Variants in SF3A1 observed in about 807,000 individuals in gnomAD.
SF3A1 encodes the protein splicing factor 3a subunit 1.
A neutral mutation model predicts 89.9 loss-of-function variants in SF3A1; 13 were observed. That is an observed-to-expected ratio of 0.14 (90% CI 0.09 to 0.23). The LOEUF is 0.23. Ranked by LOEUF, SF3A1 falls within the 10% of genes least tolerant of loss-of-function variation. The pLI, the probability that SF3A1 is intolerant of heterozygous loss-of-function variation, is 1.00. For synonymous variants in SF3A1, 405 were observed against 374.4 expected (o/e 1.08, Z -0.94); for missense variants, 604 against 1,022.1 (o/e 0.59, Z 5.58).
chr22:30,345,408 CTGAG>C (rs1367146407), intron 3 of SF3A1, among the ~76,000 whole-genome samples: 3 of 152,196 alleles, frequency 2.0e-5, no homozygotes, highest in Non-Finnish European at 4.4e-5. Flanking sequence ...TCCTGAATGG[CTGAG>C]TGAGAACCAT....
chr22:30,344,030 GC>G (rs1931344591), intron 4 of SF3A1, among the ~76,000 whole-genome samples: 1 of 152,154 alleles, frequency 6.6e-6, no homozygotes, highest in African/African-American at 2.4e-5. Flanking sequence ...TGTGCCACAG[GC>G]AAAGCTGTCA....
chr22:30,347,388 C>T (rs1365775967), intron 2 of SF3A1, among the ~76,000 whole-genome samples: 1 of 152,114 alleles, frequency 6.6e-6, no homozygotes, highest in Non-Finnish European at 1.5e-5. Context: ...CTGGTGAGGC[C>T]CACACAGGAA....
intron 4 of SF3A1, among the ~76,000 whole-genome samples, chr22:30,343,873 C>T (rs1226640564): frequency 2.0e-5 from 3 of 152,162 alleles, no homozygotes; most frequent in African/African-American, 7.2e-5. Flanking sequence ...TAATTATGTA[C>T]TTAAAAGTGA....
rs1930962214 is a variant in SF3A1, at chr22:30,333,046, G to A, written c.*1548C>T. 1 of 152,178 alleles carries A rather than the reference G, an allele frequency of 6.6e-6. No homozygotes were observed. The highest frequency in any genetic ancestry group is 2.4e-5 in the African/African-American group (1 of 41,442). The allele number at this position is 152,178 out of a possible 1,614,324, so 9.4% of individuals were successfully genotyped here. A position where few individuals can be genotyped will look rare whatever the true frequency, so the allele number is the denominator to read the frequency against. On this transcript the variant is annotated 3_prime_UTR_variant, in exon 16 of 16. Coordinates refer to ENST00000215793, the MANE Select transcript of SF3A1 (RefSeq NM_005877.6). ...GGCCATGGACAAGCAACCAGTAGTGGGCTCACTTTAGGGACGCAAACCACA... is the reference window on the plus strand; with the variant it reads ...GGCCATGGACAAGCAACCAGTAGTGAGCTCACTTTAGGGACGCAAACCACA...
rs1033641137 is a variant in SF3A1, at chr22:30,340,768, T to C, written c.1116A>G (p.Pro372=). The change falls in exon 8 of 16, where the codon CCA becomes CCG. Residue 372 remains proline (P), a synonymous_variant. Transcript: ENST00000215793. ...EEEGQKVPPP[P]ETPMPPPLPP... The stretch of plus-strand genomic sequence containing the variant: ...GCAGAGGTGGAGGCATGGGTGTCTC[T>C]GGGGGTGGGGGCACTTTCTGCCCTT... 1.9e-6 allele frequency: 3 copies of C among 1,589,390 alleles called. No homozygotes were observed. In the Admixed American group the frequency reaches 5.5e-5, roughly 29 times the overall value.
chr22:30,356,172 C>T (rs1230898685), intron 1 of SF3A1, among the ~76,000 whole-genome samples: 1 of 152,200 alleles, frequency 6.6e-6, no homozygotes, highest in Non-Finnish European at 1.5e-5. Context: ...GGTGAGCATT[C>T]TCATATGTCT....
intron 4 of SF3A1, among the ~76,000 whole-genome samples, chr22:30,343,485 C>G (rs1017111848): frequency 6.6e-6 from 1 of 152,208 alleles, no homozygotes; most frequent in Non-Finnish European, 1.5e-5. Context: ...TGCCTTTGTT[C>G]TAAACAGCCC....
chr22:30,353,556 A>G (rs578049602), intron 1 of SF3A1, among the ~76,000 whole-genome samples: 1 of 152,362 alleles, frequency 6.6e-6, no homozygotes, highest in East Asian at 1.9e-4. Flanking sequence ...TGTTATCTGT[A>G]AATTCCAGAC....
At chr22:30,356,408 C>G (rs961235471) in intron 1 of SF3A1, among the ~76,000 whole-genome samples, 6 of 152,264 alleles carry the variant, frequency 3.9e-5, no homozygotes, top group African/African-American at 1.4e-4. Flanking sequence ...GCTGGATCAG[C>G]GCCTCTCGCA....
chr22:30,347,393 C>G (rs1163692862), intron 2 of SF3A1, among the ~76,000 whole-genome samples: 1 of 152,182 alleles, frequency 6.6e-6, no homozygotes, highest in Non-Finnish European at 1.5e-5. Context: ...GAGGCCCACA[C>G]AGGAAACATC....
rs558674957 is a variant in SF3A1 at position 30,335,893 on chromosome 22, C to T, written c.2107-140G>A. The T allele has an allele frequency of 9.9e-6, 7 of 705,298 alleles. No individual in the cohort carries two copies. The East Asian group carries it at 1.8e-4, about 18-fold the overall frequency. The allele number at this position is 705,298 out of a possible 1,614,324, so 43.7% of individuals were successfully genotyped here. The stretch of plus-strand genomic sequence containing the variant: ...TTCTGGCCTGATTCACCACTGATAA[C>T]CCCTTGTGAGGTTGTACAAGTCACC... On this transcript the variant is annotated intron_variant, in intron 13 of 15. Coordinates refer to ENST00000215793, the MANE Select transcript of SF3A1 (RefSeq NM_005877.6).
chr22:30,340,843 G>A, intron 7 of SF3A1, 31 bp from the exon 8 acceptor site: 1 of 1,252,332 alleles, frequency 8.0e-7, no homozygotes, highest in Non-Finnish European at 1.2e-6. Context: ...AGGACTCAGA[G>A]AGGGGCTGAG....
chr22:30,341,457 CG>C (rs1931251067), intron 7 of SF3A1, among the ~76,000 whole-genome samples: 1 of 152,192 alleles, frequency 6.6e-6, no homozygotes, highest in Non-Finnish European at 1.5e-5. Flanking sequence ...GCCAGGGAGG[CG>C]GCCACAGAAC....
intron 10 of SF3A1, 44 bp from the exon 11 acceptor site, chr22:30,339,078 A>G: frequency 6.2e-7 from 1 of 1,613,886 alleles, no homozygotes; most frequent in Non-Finnish European, 8.5e-7. Context: ...AACTAAGACC[A>G]AGTATGGAAG....
At chr22:30,350,305 A>T (rs1467095051) in intron 2 of SF3A1, among the ~76,000 whole-genome samples, 3 of 126,316 alleles carry the variant, frequency 2.4e-5, no homozygotes, top group Non-Finnish European at 5.4e-5. Context: ...CAAAAAAACT[A>T]AAAAAAATAA....
intron 1 of SF3A1, among the ~76,000 whole-genome samples, chr22:30,355,065 C>T (rs1190538758): frequency 1.3e-5 from 2 of 152,040 alleles, no homozygotes; most frequent in East Asian, 1.9e-4. Context: ...CTTGCTGTCG[C>T]CCAGGCTGGA....
In SF3A1 at chr22:30,349,109, A is replaced by C. The variant is rs1177460443; in HGVS notation, c.186-2590T>G. Among the ~76,000 whole-genome samples, 4 of 152,320 alleles carry C rather than the reference A, an allele frequency of 2.6e-5. No homozygotes were observed. The South Asian group carries it at 6.2e-4, about 24-fold the overall frequency. On this transcript the variant is annotated intron_variant, in intron 2 of 15. Transcript: ENST00000215793. ...TGACAGGAACATGCAGGAAATGAAA[A>C]GGCCTAACCTAGCGAAAAAACTTTT...
intron 2 of SF3A1, among the ~76,000 whole-genome samples, chr22:30,349,338 T>C (rs572504760): frequency 6.6e-6 from 1 of 152,264 alleles, no homozygotes; most frequent in African/African-American, 2.4e-5. Flanking sequence ...GGGAGTGCAG[T>C]GGCACAATCT....
intron 2 of SF3A1, 75 bp downstream of exon 2, chr22:30,352,871 TAAAAA>T: frequency 4.5e-6 from 7 of 1,545,094 alleles, no homozygotes; most frequent in African/African-American, 1.4e-5. Flanking sequence ...AACGTCTCTT[TAAAAA>T]CCCTTGTGCT....
Sources: allele counts gnomAD v4.1 joint callset (sites outside exome capture counted in the v4.1 genomes callset), GRCh38; gene constraint gnomAD v4.1.1; transcripts MANE v1.5; gene names NCBI Gene and HGNC (gene_info 2026-07-23, HGNC 2026-07-21).